Variants in ENTREP2 observed in about 807,000 individuals in gnomAD.
ENTREP2 encodes the protein protein ENTREP2.
chr15:29,423,910 T>C, the ENTREP2 span, among the ~76,000 whole-genome samples: 1 of 152,206 alleles, frequency 6.6e-6, no homozygotes, highest in African/African-American at 2.4e-5. Context: ...ACATTCAGAC[T>C]ATCTCAATGG....
the ENTREP2 span, among the ~76,000 whole-genome samples, chr15:29,168,689 C>T: frequency 6.6e-6 from 1 of 152,176 alleles, no homozygotes; most frequent in African/African-American, 2.4e-5. Flanking sequence ...TTTACAATCC[C>T]TAAAAATGTC....
chr15:29,667,698 G>A, the ENTREP2 span, among the ~76,000 whole-genome samples: 1 of 151,874 alleles, frequency 6.6e-6, no homozygotes, highest in Non-Finnish European at 1.5e-5. Context: ...GTTTCACCAT[G>A]TTGGCCAGGC....
the ENTREP2 span, among the ~76,000 whole-genome samples, chr15:29,319,121 C>T: frequency 6.6e-6 from 1 of 152,172 alleles, no homozygotes; most frequent in Non-Finnish European, 1.5e-5. Flanking sequence ...GAGGAAGTGC[C>T]AGGGAGACCC....
At chr15:29,317,353 A>T in the ENTREP2 span, among the ~76,000 whole-genome samples, 3 of 152,260 alleles carry the variant, frequency 2.0e-5, no homozygotes, top group Non-Finnish European at 4.4e-5. Flanking sequence ...CACAGTAATC[A>T]GATTAGGTCA....
chr15:29,169,108 T>G, the ENTREP2 span, among the ~76,000 whole-genome samples: 5 of 152,244 alleles, frequency 3.3e-5, no homozygotes, highest in African/African-American at 1.2e-4. Flanking sequence ...TGTATCTTTG[T>G]GTGTGTATAT....
the ENTREP2 span, among the ~76,000 whole-genome samples, chr15:29,175,885 C>T: frequency 2.6e-5 from 4 of 152,242 alleles, no homozygotes; most frequent in East Asian, 5.8e-4. Context: ...GGATAACAGG[C>T]GTGAGCCACT....
chr15:29,356,806 T>C, the ENTREP2 span, among the ~76,000 whole-genome samples: 1 of 152,112 alleles, frequency 6.6e-6, no homozygotes, highest in Non-Finnish European at 1.5e-5. Context: ...TAATTCTCCC[T>C]AAAATGATAC....
At chr15:29,556,849 C>G in the ENTREP2 span, among the ~76,000 whole-genome samples, 3 of 151,976 alleles carry the variant, frequency 2.0e-5, no homozygotes, top group Admixed American at 1.3e-4. Context: ...CATCACCCAC[C>G]GCCAGTGTGA....
the ENTREP2 span, among the ~76,000 whole-genome samples, chr15:29,290,966 C>G: frequency 6.6e-6 from 1 of 152,218 alleles, no homozygotes. Flanking sequence ...TGCCCCCCTG[C>G]AGTTCCTGCC....
the ENTREP2 span, among the ~76,000 whole-genome samples, chr15:29,319,723 T>C: frequency 6.6e-6 from 1 of 152,106 alleles, no homozygotes; most frequent in Non-Finnish European, 1.5e-5. Flanking sequence ...CACTGGGAAA[T>C]CTGAAGAGAT....
At chr15:29,329,036 A>G in the ENTREP2 span, among the ~76,000 whole-genome samples, 1 of 152,194 alleles carries the variant, frequency 6.6e-6, no homozygotes, top group Non-Finnish European at 1.5e-5. Context: ...CATTAGGCAC[A>G]GTAAGAGATT....
chr15:29,372,096 G>C, the ENTREP2 span, among the ~76,000 whole-genome samples: 2 of 152,068 alleles, frequency 1.3e-5, no homozygotes, highest in Non-Finnish European at 2.9e-5. Flanking sequence ...AATTTTTCCA[G>C]AAATTATGGC....
At chr15:29,231,762 T>A in the ENTREP2 span, among the ~76,000 whole-genome samples, 1 of 152,146 alleles carries the variant, frequency 6.6e-6, no homozygotes, top group Admixed American at 6.5e-5. Context: ...AATTTACCAA[T>A]TCGTTCATTC....
At chr15:29,217,817 G>A in the ENTREP2 span, among the ~76,000 whole-genome samples, 1 of 152,150 alleles carries the variant, frequency 6.6e-6, no homozygotes, top group Non-Finnish European at 1.5e-5. Context: ...TTTTGGGGGT[G>A]TTAAAGTTTT....
chr15:29,198,936 A>G, the ENTREP2 span, among the ~76,000 whole-genome samples: 2 of 152,238 alleles, frequency 1.3e-5, no homozygotes, highest in Non-Finnish European at 2.9e-5. Context: ...ATAGTTGATC[A>G]TGTTCACTGT....
At chr15:29,582,052 A>C in the ENTREP2 span, among the ~76,000 whole-genome samples, 1 of 150,852 alleles carries the variant, frequency 6.6e-6, no homozygotes, top group Non-Finnish European at 1.5e-5. Flanking sequence ...AGAGATTCTC[A>C]TGCTTCAGCC....
the ENTREP2 span, chr15:29,123,774 G>GCCCAGA: frequency 1.0e-6 from 1 of 990,902 alleles, no homozygotes; most frequent in Non-Finnish European, 1.5e-6. Flanking sequence ...TCCTGGGGCT[G>GCCCAGA]GCGCTCTGGG....
the ENTREP2 span, among the ~76,000 whole-genome samples, chr15:29,179,254 T>C: frequency 6.6e-6 from 1 of 152,244 alleles, no homozygotes; most frequent in African/African-American, 2.4e-5. Flanking sequence ...CTCAATTTCA[T>C]TTTCCTCCTG....
the ENTREP2 span, among the ~76,000 whole-genome samples, chr15:29,257,297 A>C: frequency 6.6e-6 from 1 of 151,850 alleles, no homozygotes; most frequent in Non-Finnish European, 1.5e-5. Context: ...GGTCTGGAAC[A>C]CCTGACCTCA....
Sources: gnomAD v4.1 joint callset for allele counts (sites outside exome capture counted in the v4.1 genomes callset) on GRCh38, gnomAD v4.1.1 for gene constraint, MANE v1.5 for transcripts, NCBI Gene and HGNC (gene_info 2026-07-23, HGNC 2026-07-21) for gene names.